ATP2B2: variants seen among roughly 807,000 people sequenced by gnomAD.
ATP2B2 encodes the protein ATPase plasma membrane Ca2+ transporting 2, also known as plasma membrane calcium-transporting ATPase 2.
A neutral mutation model predicts 120.0 loss-of-function variants in ATP2B2; 15 were observed. The ratio of observed to expected loss-of-function variants is 0.12; its 90% CI spans 0.08 to 0.19. ATP2B2 has a LOEUF of 0.19. Ranked by LOEUF, ATP2B2 falls within the 10% of genes least tolerant of loss-of-function variation. ATP2B2 has a pLI of 1.00. For missense variants in ATP2B2, 1,045 were observed against 1,719.8 expected, an observed-to-expected ratio of 0.61 and a Z score of 6.94; for synonymous variants, 694 against 700.3, an observed-to-expected ratio of 0.99 and a Z score of 0.14.
intron 2 of ATP2B2, among the ~76,000 whole-genome samples, chr3:10,554,320 G>A (rs1473058280): frequency 6.6e-6 from 1 of 152,118 alleles, no homozygotes; most frequent in Non-Finnish European, 1.5e-5. Flanking sequence ...GCTGCACAAA[G>A]ACACCCACAT....
chr3:10,401,267 C>T (rs1292816325), intron 4 of ATP2B2, among the ~76,000 whole-genome samples, 189 bp from the exon 5 acceptor site: 1 of 152,186 alleles, frequency 6.6e-6, no homozygotes, highest in Non-Finnish European at 1.5e-5. Flanking sequence ...AGCTAAGGTA[C>T]ACAGCACAAG....
At position 10,390,215 on chromosome 3, in the gene ATP2B2, C is replaced by G. The variant is rs77649814; in HGVS notation, c.782-1813G>C. Among the ~76,000 whole-genome samples, 963 of 152,256 alleles carry G rather than the reference C, an allele frequency of 6.3e-3. 14 individuals carry two copies. The highest frequency in any genetic ancestry group is 0.022 in the African/African-American group (913 of 41,536). On this transcript the variant is annotated intron_variant, in intron 5 of 22. Coordinates refer to ENST00000360273, the MANE Select transcript of ATP2B2 (RefSeq NM_001001331.4). ...TGCTTTTCAGAGTTCTCTTTTCTGTCCCCTCGAGACTAGGTGCCACTTCTT... is the reference window on the plus strand; with the variant it reads ...TGCTTTTCAGAGTTCTCTTTTCTGTGCCCTCGAGACTAGGTGCCACTTCTT...
intron 1 of ATP2B2, among the ~76,000 whole-genome samples, chr3:10,492,264 G>A (rs1402081384): frequency 6.6e-6 from 1 of 152,120 alleles, no homozygotes; most frequent in African/African-American, 2.4e-5. Context: ...GGGCAGGTAA[G>A]CACCAGGCAA....
chr3:10,344,607 G>C (rs780978444), intron 18 of ATP2B2, among the ~76,000 whole-genome samples: 1 of 152,174 alleles, frequency 6.6e-6, no homozygotes, highest in Non-Finnish European at 1.5e-5. Context: ...CTGGGGCTAA[G>C]GGAGACCCAT....
At chr3:10,534,676 G>A (rs976489741) in intron 2 of ATP2B2, among the ~76,000 whole-genome samples, 5 of 152,128 alleles carry the variant, frequency 3.3e-5, no homozygotes, top group Non-Finnish European at 7.4e-5. Flanking sequence ...TTGGGCAAGT[G>A]ACTTAAATTT....
At chr3:10,704,377 T>A (rs1239973213) in intron 1 of ATP2B2, among the ~76,000 whole-genome samples, 2 of 152,184 alleles carry the variant, frequency 1.3e-5, no homozygotes, top group African/African-American at 4.8e-5. Context: ...TCTTTCTACC[T>A]TTTTCTTCAC....
intron 1 of ATP2B2, among the ~76,000 whole-genome samples, chr3:10,629,439 GTGTTGATCATTCATT>G (rs2069801811): frequency 6.6e-6 from 1 of 152,246 alleles, no homozygotes; most frequent in Non-Finnish European, 1.5e-5. Context: ...GAAGGAGGAT[GTGTTGATCATTCATT>G]TGTTGATAGG....
intron 1 of ATP2B2, among the ~76,000 whole-genome samples, chr3:10,467,071 T>C (rs73119418): frequency 0.012 from 1,844 of 152,326 alleles, 49 homozygotes; most frequent in African/African-American, 0.042. Flanking sequence ...GCTAGATGGC[T>C]TCTAAGAGAC....
intron 1 of ATP2B2, among the ~76,000 whole-genome samples, chr3:10,702,181 T>C (rs1253659166): frequency 2.6e-5 from 4 of 152,182 alleles, no homozygotes; most frequent in Non-Finnish European, 5.9e-5. Flanking sequence ...TCTGGCTTCA[T>C]TAATGAGTAG....
At position 10,412,837 on chromosome 3, in the gene ATP2B2, G is replaced by C. The variant is rs545143930; in HGVS notation, c.200-2022C>G. 2.6e-5 allele frequency among the ~76,000 whole-genome samples: 4 copies of C among 152,202 alleles called. No individual in the cohort carries two copies. The South Asian group carries it at 8.3e-4, about 32-fold the overall frequency. ...CTGGCCCAAACAGTACAGCAAAAAT[G>C]GGCCCCGCAGCGGGGCAACGACAGT... On this transcript the variant is annotated intron_variant, in intron 2 of 22. Coordinates refer to ENST00000360273, the MANE Select transcript of ATP2B2 (RefSeq NM_001001331.4).
rs1440499241 is a variant in ATP2B2 at position 10,388,259 on chromosome 3, C to T, written c.907+18G>A. The stretch of plus-strand genomic sequence containing the variant: ...CCTTAAGAGCTCCTCTCCTGGTCTG[C>T]AAGGGGATTAGGCTTACCTTTTTTG... On this transcript the variant is annotated intron_variant, in intron 6 of 22. Coordinates refer to ENST00000360273, the MANE Select transcript of ATP2B2 (RefSeq NM_001001331.4). 6.2e-7 allele frequency: 1 copy of T among 1,614,076 alleles called. No homozygotes were observed. Among genetic ancestry groups the T allele is most frequent in the Middle Eastern group, 1.6e-4 (1 of 6,062 alleles).
At chr3:10,408,249 G>T (rs2062485410) in intron 3 of ATP2B2, among the ~76,000 whole-genome samples, 1 of 152,238 alleles carries the variant, frequency 6.6e-6, no homozygotes, top group South Asian at 2.1e-4. Context: ...CTGGAAGGCT[G>T]TGTGCAGGGA....
rs1253295032 is a variant in ATP2B2, at chr3:10,327,144, CA to C, written c.*1669del. Reference sequence around the variant, plus strand: ...CTTTTATGAAAAACGCTGAGACCCACAAAGTGCTTAGCAGTTAAGAGGCTGA... The same window carrying C: ...CTTTTATGAAAAACGCTGAGACCCACAAGTGCTTAGCAGTTAAGAGGCTGA... On this transcript the variant is annotated 3_prime_UTR_variant, in exon 23 of 23. Coordinates refer to ENST00000360273, the MANE Select transcript of ATP2B2 (RefSeq NM_001001331.4). 1.8e-5 allele frequency: 5 copies of C among 274,404 alleles called. No homozygotes were observed. The highest frequency in any genetic ancestry group is 1.1e-4 in the African/African-American group (5 of 45,788). The allele number at this position is 274,404 out of a possible 1,614,324, so 17.0% of individuals were successfully genotyped here. A position where few individuals can be genotyped will look rare whatever the true frequency, so the allele number is the denominator to read the frequency against.
chr3:10,442,583 T>C (rs1386981673), intron 2 of ATP2B2, among the ~76,000 whole-genome samples: 1 of 152,200 alleles, frequency 6.6e-6, no homozygotes, highest in East Asian at 1.9e-4. Context: ...CATTAAACTG[T>C]GCTTTTGAAG....
At chr3:10,448,046 G>A (rs2063900169) in intron 2 of ATP2B2, among the ~76,000 whole-genome samples, 2 of 152,226 alleles carry the variant, frequency 1.3e-5, no homozygotes, top group South Asian at 4.1e-4. Flanking sequence ...AGGCACATGT[G>A]ACCAGTGGAC....
intron 2 of ATP2B2, among the ~76,000 whole-genome samples, chr3:10,541,200 A>G (rs1258259914): frequency 6.6e-6 from 1 of 151,736 alleles, no homozygotes; most frequent in Admixed American, 6.6e-5. Flanking sequence ...GATGTTATTG[A>G]TCTTTTCAAA....
chr3:10,415,840 T>C (rs2062762349), intron 2 of ATP2B2, among the ~76,000 whole-genome samples: 1 of 152,194 alleles, frequency 6.6e-6, no homozygotes, highest in African/African-American at 2.4e-5. Flanking sequence ...AGACAGATGC[T>C]ATGTGGGGTT....
At position 10,651,178 on chromosome 3, in the gene ATP2B2, AGACTTTGGGG is replaced by A. The variant is rs536807111; in HGVS notation, c.-459-31227_-459-31218del. 8.5e-5 allele frequency among the ~76,000 whole-genome samples: 13 copies of A among 152,336 alleles called. No individual in the cohort carries two copies. In the South Asian group the frequency reaches 1.2e-3, roughly 15 times the overall value. ...TTTGAGTTAATGCTGAAATAAATTA[AGACTTTGGGG>A]GACTGTTGAGAAGGCATGATTGGTT... On this transcript the variant is annotated intron_variant, in intron 1 of 21. Transcript: ENST00000646379.
At chr3:10,616,135 G>C (rs553206761) in intron 2 of ATP2B2, among the ~76,000 whole-genome samples, 7 of 152,320 alleles carry the variant, frequency 4.6e-5, no homozygotes, top group South Asian at 2.1e-4. Flanking sequence ...GGAACAAGCT[G>C]TCCCTGTTAC....
Sources: allele counts gnomAD v4.1 joint callset (sites outside exome capture counted in the v4.1 genomes callset), GRCh38; gene constraint gnomAD v4.1.1; transcripts MANE v1.5; gene names NCBI Gene and HGNC (gene_info 2026-07-23, HGNC 2026-07-21).